STK11IP: variants seen among roughly 807,000 people sequenced by gnomAD.
STK11IP encodes the protein serine/threonine-protein kinase 11-interacting protein.
In STK11IP, 103 loss-of-function variants were observed where a neutral mutation model predicts 131.7. That is an observed-to-expected ratio of 0.78 (90% CI 0.67 to 0.92). The LOEUF is 0.92. Among genes scored for constraint, STK11IP ranks in the 40% least tolerant of loss-of-function variants. The pLI is 0.00. For missense variants in STK11IP, 1,315 were observed against 1,385.7 expected (o/e 0.95, Z 0.81); for synonymous variants, 557 against 575.6 (o/e 0.97, Z 0.46).
At chr2:219,603,753 C>T (rs565268944) in intron 7 of STK11IP, among the ~76,000 whole-genome samples, 25 of 152,180 alleles carry the variant, frequency 1.6e-4, no homozygotes, top group African/African-American at 6.0e-4. Flanking sequence ...AACTCCTGAC[C>T]TCATGATCCG....
intron 6 of STK11IP, 44 bp from the exon 7 acceptor site, chr2:219,602,661 T>C (rs773378333): frequency 3.1e-5 from 50 of 1,612,422 alleles, no homozygotes; most frequent in Non-Finnish European, 4.2e-5. Context: ...CCAGATAGTA[T>C]TGTAGTGAAC....
At chr2:219,611,564 T>G (rs982833405) in intron 17 of STK11IP, 40 bp from the exon 18 acceptor site, 3 of 1,504,124 alleles carry the variant, frequency 2.0e-6, no homozygotes, top group Non-Finnish European at 2.8e-6. Context: ...TGTGGCACTG[T>G]GGGGGGGGCT....
intron 3 of STK11IP, 80 bp from the exon 4 acceptor site, chr2:219,601,561 G>T (rs1697984413): frequency 6.4e-7 from 1 of 1,556,026 alleles, no homozygotes; most frequent in African/African-American, 1.4e-5. Flanking sequence ...AGAGGTACCA[G>T]TGGTTGTGCT....
chr2:219,614,798 TGGAGCAGC>T lies in STK11IP; in HGVS notation c.2869+254_2869+261del, dbSNP rs375120910. The T allele has an allele frequency of 5.0e-4, 330 of 658,474 alleles. 1 individual carries two copies. The African/African-American group carries it at 5.2e-3, about 10-fold the overall frequency. 40.8% of individuals were successfully genotyped at this position (658,474 alleles called of 1,614,324 possible). On this transcript the variant is annotated intron_variant, in intron 23 of 24. Transcript: ENST00000456909. ...TCTCGGGCCCAGGCTTTCTATGAAG[TGGAGCAGC>T]GTGGCTGAGTCGGCCCTGCCTCATC...
At chr2:219,609,955 T>C (rs1698340815) in intron 17 of STK11IP, 1 of 215,564 alleles carries the variant, frequency 4.6e-6, no homozygotes, top group African/African-American at 2.3e-5. Flanking sequence ...TTGAGTGAGA[T>C]GCTTGGGGAG....
intron 2 of STK11IP, among the ~76,000 whole-genome samples, chr2:219,600,675 C>T (rs1169873589): frequency 2.6e-5 from 4 of 152,128 alleles, no homozygotes; most frequent in Non-Finnish European, 5.9e-5. Context: ...ATAACAATGC[C>T]TTAGTGCTAT....
chr2:219,606,670 C>A lies in STK11IP; in HGVS notation c.988-42C>A, dbSNP rs373613175. On this transcript the variant is annotated intron_variant, in intron 11 of 24. Coordinates refer to ENST00000456909, the MANE Select transcript of STK11IP (RefSeq NM_052902.4). ...TGGCTTGGGCAAGGCAGAGGTGCTC[C>A]CAGGCTCCAACCTCTCTCTCCTTCC... The A allele has an allele frequency of 3.6e-5, 58 of 1,595,270 alleles. No individual in the cohort carries two copies. In the African/African-American group the frequency reaches 7.3e-4, roughly 20 times the overall value.
intron 24 of STK11IP, chr2:219,615,579 C>T (rs1698547715): frequency 2.3e-5 from 15 of 658,250 alleles, no homozygotes; most frequent in Non-Finnish European, 3.3e-5. Context: ...AGCCATTTAG[C>T]TGGGCCACGA....
chr2:219,608,653 T>A lies in STK11IP; in HGVS notation c.1674T>A (p.Phe558Leu). 1 of 1,613,530 alleles carries A rather than the reference T, an allele frequency of 6.2e-7. No individual in the cohort carries two copies. Among genetic ancestry groups the A allele is most frequent in the Admixed American group, 1.7e-5 (1 of 59,998 alleles). The stretch of plus-strand genomic sequence containing the variant: ...AGGGCGTACGGGGCAGGGAATGCTT[T>A]CTCAGGGTCACTTCTGCCCACCTGT... ...GPEGVRGREC[F>L]LRVTSAHLFE... Residue 558 changes from phenylalanine (F) to leucine (L), a missense_variant, in exon 15 of 25, where the codon TTT becomes TTA. Transcript: ENST00000456909.
At chr2:219,607,447 A>G (rs1698229732) in intron 13 of STK11IP, among the ~76,000 whole-genome samples, 1 of 151,968 alleles carries the variant, frequency 6.6e-6, no homozygotes. Context: ...GCCTGAGCCC[A>G]GGAGTTTGAG....
intron 17 of STK11IP, among the ~76,000 whole-genome samples, chr2:219,610,985 C>T (rs749334619): frequency 3.3e-5 from 5 of 152,182 alleles, no homozygotes; most frequent in Non-Finnish European, 7.3e-5. Context: ...TAGGAGGTAG[C>T]GCATGCCCAT....
At chr2:219,604,843 T>C (rs1460946596) in intron 7 of STK11IP, among the ~76,000 whole-genome samples, 1 of 151,810 alleles carries the variant, frequency 6.6e-6, no homozygotes, top group Non-Finnish European at 1.5e-5. Context: ...TTTTTTTTTT[T>C]AATGAGACAG....
Position 219,613,671 on chromosome 2 carries a change from A to G in STK11IP, c.2538-81A>G, listed in dbSNP as rs994115474. 6 of 1,532,452 alleles carry G rather than the reference A, an allele frequency of 3.9e-6. No individual in the cohort carries two copies. In the African/African-American group the frequency reaches 6.8e-5, roughly 17 times the overall value. The allele number at this position is 1,532,452 out of a possible 1,614,324, so 94.9% of individuals were successfully genotyped here. On this transcript the variant is annotated intron_variant, in intron 20 of 24. Coordinates refer to ENST00000456909, the MANE Select transcript of STK11IP (RefSeq NM_052902.4). ...ACGGGGGTGATGCAGTGAGTGAGGC[A>G]GGTGCAGCTGGGGCAGGGCCTCTCT...
In STK11IP at chr2:219,601,178, AT is replaced by A. The variant is rs1479771130; in HGVS notation, c.62-56del. The stretch of plus-strand genomic sequence containing the variant: ...TATTTTGGCATCATAGAGCCTTAGA[AT>A]AAAGAGAAAAATCTTTTCACTGTGT... On this transcript the variant is annotated intron_variant, in intron 2 of 24. Transcript: ENST00000456909. 8.9e-4 allele frequency: 1,305 copies of A among 1,473,044 alleles called. 2 individuals are homozygous for A. Among genetic ancestry groups the A allele is most frequent in the Non-Finnish European group, 1.1e-3 (1,168 of 1,075,470 alleles). The allele number at this position is 1,473,044 out of a possible 1,614,324, so 91.2% of individuals were successfully genotyped here.
chr2:219,604,440 A>G (rs1698087065), intron 7 of STK11IP, among the ~76,000 whole-genome samples: 1 of 152,202 alleles, frequency 6.6e-6, no homozygotes, highest in Non-Finnish European at 1.5e-5. Flanking sequence ...CCTGAACAAT[A>G]TAAATCCTTT....
At position 219,601,273 on chromosome 2, in the gene STK11IP, C is replaced by T. The variant is rs747453687; in HGVS notation, c.100C>T (p.Leu34=). 3 of 1,613,988 alleles carry T rather than the reference C, an allele frequency of 1.9e-6. No individual in the cohort carries two copies. The South Asian group carries it at 3.3e-5, about 18-fold the overall frequency. The change falls in exon 3 of 25, where the codon CTG becomes TTG. Residue 34 remains leucine, a synonymous_variant. Coordinates refer to ENST00000456909, the MANE Select transcript of STK11IP (RefSeq NM_052902.4). The part of the protein sequence containing the change: ...VLSGCSTLSL[L]TPTLQQLNHV... The stretch of plus-strand genomic sequence containing the variant: ...GTCTGGCTGTAGCACCCTGAGCCTG[C>T]TGACTCCCACACTGCAACAGCTGAA...
chr2:219,603,557 G>A (rs1380815668), intron 7 of STK11IP, among the ~76,000 whole-genome samples: 1 of 150,170 alleles, frequency 6.7e-6, no homozygotes, highest in East Asian at 1.9e-4. Flanking sequence ...GTCTTGCTCT[G>A]TCACCCAGGC....
chr2:219,613,675 G>A, intron 20 of STK11IP, 77 bp from the exon 21 acceptor site: 1 of 1,558,912 alleles, frequency 6.4e-7, no homozygotes, highest in Non-Finnish European at 8.8e-7. Flanking sequence ...TGAGGCAGGT[G>A]CAGCTGGGGC....
At position 219,602,560 on chromosome 2, in the gene STK11IP, C is replaced by A. The variant is rs778759492; in HGVS notation, c.531C>A (p.Ala177=). 6.2e-7 allele frequency: 1 copy of A among 1,614,038 alleles called. No homozygotes were observed. Among genetic ancestry groups the A allele is most frequent in the Admixed American group, 1.7e-5 (1 of 60,030 alleles). ...SANFSYNALT[A]LDSSLRLLSA... ...ACTTCAGCTACAATGCACTGACCGC[C>A]TTAGACAGCTCCCTGGTGAGTGCCT... The change falls in exon 6 of 25, where the codon GCC becomes GCA. Residue 177 remains alanine, a synonymous_variant. Transcript: ENST00000456909.
Sources: gnomAD v4.1 joint callset for allele counts (sites outside exome capture counted in the v4.1 genomes callset) on GRCh38, gnomAD v4.1.1 for gene constraint, MANE v1.5 for transcripts, NCBI Gene and HGNC (gene_info 2026-07-23, HGNC 2026-07-21) for gene names.